Variants in GOSR1 observed in about 807,000 individuals in gnomAD.
GOSR1 encodes golgi SNAP receptor complex member 1.
In GOSR1, 21 loss-of-function variants were observed where a neutral mutation model predicts 35.5. The ratio of observed to expected loss-of-function variants is 0.59; its 90% CI spans 0.42 to 0.85. The LOEUF is 0.85. GOSR1 is among the 40% of genes least tolerant of loss of function. The pLI is 0.00. For synonymous variants in GOSR1, 94 were observed against 106.6 expected (o/e 0.88, Z 0.73); for missense variants, 285 against 309.6 (o/e 0.92, Z 0.60).
chr17:30,493,826 A>G, intron 6 of GOSR1, among the ~76,000 whole-genome samples: 1 of 152,324 alleles, frequency 6.6e-6, no homozygotes, highest in African/African-American at 2.4e-5. Context: ...CATAATAAAG[A>G]TAAACCATAA....
chr17:30,521,157 T>TTC (rs771611126), intron 8 of GOSR1, among the ~76,000 whole-genome samples: 5,005 of 140,468 alleles, frequency 0.036, 259 homozygotes, highest in Non-Finnish European at 0.062. Flanking sequence ...CTCCCATAAG[T>TTC]TCTCTCTCTC....
At chr17:30,490,924 C>T (rs1915002865) in intron 5 of GOSR1, among the ~76,000 whole-genome samples, 1 of 152,150 alleles carries the variant, frequency 6.6e-6, no homozygotes, top group African/African-American at 2.4e-5. Context: ...AATTTGGAGC[C>T]ATCTAATGAT....
At chr17:30,498,058 CA>C (rs11427994) in intron 6 of GOSR1, among the ~76,000 whole-genome samples, 26 of 135,338 alleles carry the variant, frequency 1.9e-4, no homozygotes, top group Admixed American at 1.5e-4. Flanking sequence ...ACTCCATCTC[CA>C]AAAAAAAAAA....
chr17:30,519,631 C>G, intron 7 of GOSR1: 14 of 189,840 alleles, frequency 7.4e-5, no homozygotes, highest in Non-Finnish European at 9.5e-5. Flanking sequence ...AGTTTTTAAA[C>G]TTTAAATTTT....
chr17:30,500,786 G>A (rs1248582510), intron 6 of GOSR1, among the ~76,000 whole-genome samples: 1 of 151,942 alleles, frequency 6.6e-6, no homozygotes, highest in Admixed American at 6.5e-5. Context: ...AGATTATATT[G>A]AATCTAGAGA....
At chr17:30,477,989 T>A (rs1914061595) in intron 1 of GOSR1, 3 of 941,322 alleles carry the variant, frequency 3.2e-6, no homozygotes, top group Non-Finnish European at 3.8e-6. Context: ...CCATGACAAC[T>A]ACAGGTTGGG....
intron 1 of GOSR1, chr17:30,477,901 G>C: frequency 1.0e-6 from 1 of 985,078 alleles, no homozygotes; most frequent in Non-Finnish European, 1.2e-6. Context: ...AGTGGGAAAA[G>C]AGAAGGAGGA....
rs1270842242 is a variant in GOSR1 at position 30,523,412 on chromosome 17, C to T, written c.*1034C>T. 4.7e-5 allele frequency: 8 copies of T among 170,824 alleles called. No homozygotes were observed. The highest frequency in any genetic ancestry group is 1.3e-4 in the Admixed American group (2 of 15,814). 10.6% of individuals were successfully genotyped at this position (170,824 alleles called of 1,614,324 possible). On this transcript the variant is annotated 3_prime_UTR_variant, in exon 9 of 9. Transcript: ENST00000451249. ...CCCGTCTGAGAAGTGAGGAGACCTC[C>T]GCCCGGCAGCCGCCCTGTCTGAGAA...
intron 4 of GOSR1, among the ~76,000 whole-genome samples, chr17:30,486,271 C>T (rs1167664608): frequency 1.3e-5 from 2 of 151,982 alleles, no homozygotes; most frequent in Non-Finnish European, 2.9e-5. Context: ...TATCCAAGCA[C>T]TTTGGAGGTC....
Position 30,477,907 on chromosome 17 carries a change from G to C in GOSR1, c.31+443G>C, listed in dbSNP as rs1164240557. On this transcript the variant is annotated intron_variant, in intron 1 of 8. Coordinates refer to ENST00000451249, the MANE Select transcript of GOSR1 (RefSeq NM_001007025.2). ...GGAAAACTGAGTGGGAAAAGAGAAGGAGGAACTTGCATTCCGGTCCGTCGG... is the reference window on the plus strand; with the variant it reads ...GGAAAACTGAGTGGGAAAAGAGAAGCAGGAACTTGCATTCCGGTCCGTCGG... 4 of 984,776 alleles carry C rather than the reference G, an allele frequency of 4.1e-6. No homozygotes were observed. In the African/African-American group the frequency reaches 7.0e-5, roughly 17 times the overall value. 61.0% of individuals were successfully genotyped at this position (984,776 alleles called of 1,614,324 possible). A position where few individuals can be genotyped will look rare whatever the true frequency, so the allele number is the denominator to read the frequency against.
chr17:30,513,434 C>A (rs910983126), intron 7 of GOSR1, among the ~76,000 whole-genome samples: 2 of 151,908 alleles, frequency 1.3e-5, no homozygotes, highest in African/African-American at 4.8e-5. Flanking sequence ...AAATAACAGC[C>A]TAGATTTCAT....
intron 6 of GOSR1, among the ~76,000 whole-genome samples, chr17:30,502,432 A>G (rs921804057): frequency 5.3e-5 from 8 of 152,216 alleles, no homozygotes; most frequent in Admixed American, 4.6e-4. Context: ...ACGGGTGTAT[A>G]GTGTGTACTT....
At chr17:30,510,181 C>T (rs1215292410) in intron 6 of GOSR1, among the ~76,000 whole-genome samples, 1 of 152,086 alleles carries the variant, frequency 6.6e-6, no homozygotes, top group Non-Finnish European at 1.5e-5. Flanking sequence ...TCAAGCAGTT[C>T]TCGTGCCTCA....
rs1005442747 is a variant in GOSR1 at position 30,524,510 on chromosome 17, T to C, written c.*2132T>C. 8.6e-5 allele frequency: 13 copies of C among 150,760 alleles called. No individual in the cohort carries two copies. Among genetic ancestry groups the C allele is most frequent in the African/African-American group, 3.2e-4 (13 of 40,874 alleles). The allele number at this position is 150,760 out of a possible 1,614,324, so 9.3% of individuals were successfully genotyped here. ...AAAAACATCAAGAATGACAGTCTTA[T>C]ATTTAAGGCACCAGTCATTGTTTCC... On this transcript the variant is annotated 3_prime_UTR_variant, in exon 9 of 9. Transcript: ENST00000451249.
At chr17:30,497,759 T>C (rs1216820607) in intron 6 of GOSR1, among the ~76,000 whole-genome samples, 1 of 152,198 alleles carries the variant, frequency 6.6e-6, no homozygotes, top group African/African-American at 2.4e-5. Flanking sequence ...CCTGATTGTC[T>C]ATTAAAACTC....
At chr17:30,521,196 T>TA (rs1968021271) in intron 8 of GOSR1, among the ~76,000 whole-genome samples, 1 of 132,642 alleles carries the variant, frequency 7.5e-6, no homozygotes, top group African/African-American at 3.3e-5. Flanking sequence ...TTTTTTTTTT[T>TA]AAGACAGAGT....
In GOSR1 at chr17:30,498,482, T is replaced by A. The variant is rs535026147; in HGVS notation, c.509+5729T>A. ...TTTGTGCGTACCCTAGAGGAGCACA[T>A]GAAAGGGAGTCATTACTCTGCTGAA... is the stretch of plus-strand genomic sequence containing the variant. On this transcript the variant is annotated intron_variant, in intron 6 of 8. Transcript: ENST00000451249. 3.9e-4 allele frequency among the ~76,000 whole-genome samples: 59 copies of A among 152,298 alleles called. No homozygotes were observed. In the Middle Eastern group the frequency reaches 0.017, roughly 44 times the overall value.
intron 4 of GOSR1, among the ~76,000 whole-genome samples, chr17:30,489,753 AT>A (rs1480011837): frequency 1.3e-5 from 2 of 152,200 alleles, no homozygotes; most frequent in African/African-American, 4.8e-5. Flanking sequence ...AAATGATGAA[AT>A]TTGAAAATAA....
intron 4 of GOSR1, among the ~76,000 whole-genome samples, chr17:30,487,768 T>C (rs1170654548): frequency 6.6e-6 from 1 of 152,172 alleles, no homozygotes; most frequent in Non-Finnish European, 1.5e-5. Context: ...GATCCAGTTA[T>C]TCTTTTTTTT....
Sources: gnomAD v4.1 joint callset for allele counts (sites outside exome capture counted in the v4.1 genomes callset) on GRCh38, gnomAD v4.1.1 for gene constraint, MANE v1.5 for transcripts, NCBI Gene and HGNC (gene_info 2026-07-23, HGNC 2026-07-21) for gene names.